Variants in BAG6 observed in about 807,000 individuals in gnomAD.
BAG6 encodes the protein BAG cochaperone 6, also known as large proline-rich protein BAG6.
Under a neutral mutation model 121.0 loss-of-function variants are expected in BAG6, and 22 were observed. The ratio of observed to expected loss-of-function variants is 0.18; its 90% CI spans 0.13 to 0.26. The LOEUF (loss-of-function observed/expected upper bound fraction) is 0.26, where lower values mean the gene tolerates loss of function less well. Among genes scored for constraint, BAG6 ranks in the 10% least tolerant of loss-of-function variants. The probability of loss-of-function intolerance (pLI) is 1.00; values close to 1 mark genes in which losing one functional copy is unlikely to be tolerated. For missense variants in BAG6, 1,233 were observed against 1,537.7 expected (o/e 0.80, Z 3.31); for synonymous variants, 583 against 584.6 (o/e 1.00, Z 0.04).
chr6:31,642,061 T>C (rs758779293), intron 16 of BAG6, 51 bp downstream of exon 16: 5 of 1,597,782 alleles, frequency 3.1e-6, no homozygotes, highest in Non-Finnish European at 3.4e-6. Flanking sequence ...GCCATCTACA[T>C]TCCTCTGGCT....
chr6:31,639,677 G>A (rs1468966695), intron 24 of BAG6, 31 bp from the exon 25 acceptor site: 5 of 1,586,468 alleles, frequency 3.2e-6, no homozygotes, highest in Non-Finnish European at 4.3e-6. Flanking sequence ...AGGGAAAAGA[G>A]GATCAACGTC....
chr6:31,645,192 C>T lies in BAG6; in HGVS notation c.1123G>A (p.Val375Met). The T allele has an allele frequency of 1.2e-6, 2 of 1,608,850 alleles. No individual in the cohort carries two copies. Among genetic ancestry groups the T allele is most frequent in the Non-Finnish European group, 1.7e-6 (2 of 1,178,068 alleles). Residue 375 changes from valine (V) to methionine (M), a missense_variant, in exon 10 of 26, where the codon GTG becomes ATG. Transcript: ENST00000676615. Reference sequence around the variant, plus strand: ...CCTGTCATGGTCACAGTGGTTCCCACATTGATCTGAAAAAGACAGATGGAC... The same window carrying T: ...CCTGTCATGGTCACAGTGGTTCCCATATTGATCTGAAAAAGACAGATGGAC... The part of the protein sequence containing the change: ...QQAAIPIQIN[V>M]GTTVTMTGNG...
Position 31,644,644 on chromosome 6 carries a change from GC to G in BAG6, c.1370-43del. The G allele has an allele frequency of 1.3e-6, 2 of 1,580,124 alleles. No individual in the cohort carries two copies. The highest frequency in any genetic ancestry group is 1.7e-6 in the Non-Finnish European group (2 of 1,152,626). On this transcript the variant is annotated intron_variant, in intron 10 of 25. Transcript: ENST00000676615. This position sits in a 1 kb window ranked among gnomAD's most constrained non-coding sequence, Gnocchi z 4.9. ...AGACAGTGGCCCTGAGGTAGGTAGGGCCAAGGCCTAACTATATCCTTCTGAG... is the reference window on the plus strand; with the variant it reads ...AGACAGTGGCCCTGAGGTAGGTAGGGCAAGGCCTAACTATATCCTTCTGAG...
chr6:31,652,366 A>AC (rs1798450671), intron 1 of BAG6, 58 bp downstream of exon 1: 1 of 80,228 alleles, frequency 1.2e-5, no homozygotes, highest in Non-Finnish European at 2.8e-5. Context: ...CACACCCACC[A>AC]CCCCGCGGCT....
chr6:31,643,878 A>C lies in BAG6; in HGVS notation c.1756+12T>G. Reference sequence around the variant, plus strand: ...GAGTTTAAACTCTGAGTGGGGAAGAATGAAAACTCACCCACAAGGACTGGC... The same window carrying C: ...GAGTTTAAACTCTGAGTGGGGAAGACTGAAAACTCACCCACAAGGACTGGC... On this transcript the variant is annotated intron_variant, in intron 14 of 25. Coordinates refer to ENST00000676615, the MANE Select transcript of BAG6 (RefSeq NM_001387994.1). 1 of 1,612,304 alleles carries C rather than the reference A, an allele frequency of 6.2e-7. No individual in the cohort carries two copies. The highest frequency in any genetic ancestry group is 8.5e-7 in the Non-Finnish European group (1 of 1,179,798).
chr6:31,644,843 C>T lies in BAG6; in HGVS notation c.1369+103G>A. On this transcript the variant is annotated intron_variant, in intron 10 of 25. Transcript: ENST00000676615. This position sits in a 1 kb window ranked among gnomAD's most constrained non-coding sequence, Gnocchi z 4.9. ...TCTGCTCTGGTCCCCAGGCTACCAC[C>T]ACCAGCATGTGCCTCTCCCTTCCCC... 1 of 1,509,644 alleles carries T rather than the reference C, an allele frequency of 6.6e-7. No homozygotes were observed. The highest frequency in any genetic ancestry group is 2.0e-5 in the Admixed American group (1 of 50,068). 93.5% of individuals were successfully genotyped at this position (1,509,644 alleles called of 1,614,324 possible).
Position 31,645,387 on chromosome 6 carries a change from C to T in BAG6, c.1116+20G>A. On this transcript the variant is annotated intron_variant, in intron 9 of 25. Coordinates refer to ENST00000676615, the MANE Select transcript of BAG6 (RefSeq NM_001387994.1). Reference sequence around the variant, plus strand: ...TCAACACCCCTCACTCTCCCTCAGGCCAGACTCCCCCTAACCCACCTGTAT... The same window carrying T: ...TCAACACCCCTCACTCTCCCTCAGGTCAGACTCCCCCTAACCCACCTGTAT... The T allele has an allele frequency of 1.2e-6, 2 of 1,613,078 alleles. No individual in the cohort carries two copies. The highest frequency in any genetic ancestry group is 2.2e-5 in the South Asian group (2 of 91,090).
chr6:31,641,149 C>T lies in BAG6; in HGVS notation c.2742G>A (p.Leu914=). 1 of 1,613,420 alleles carries T rather than the reference C, an allele frequency of 6.2e-7. No homozygotes were observed. Among genetic ancestry groups the T allele is most frequent in the Non-Finnish European group, 8.5e-7 (1 of 1,180,010 alleles). The part of the protein sequence containing the change: ...FECLALNLHC[L]GGQQMELAAV... The stretch of plus-strand genomic sequence containing the variant: ...CAGCAAGCTCCATCTGCTGTCCCCC[C>T]AAGCAGTGCAGGTTTAGGGCCAGGC... The change falls in exon 20 of 26, where the codon TTG becomes TTA. Residue 914 remains leucine, a synonymous_variant. Coordinates refer to ENST00000676615, the MANE Select transcript of BAG6 (RefSeq NM_001387994.1). This position sits in a 1 kb window ranked among gnomAD's most constrained non-coding sequence, Gnocchi z 5.7.
intron 2 of BAG6, among the ~76,000 whole-genome samples, chr6:31,649,912 G>A (rs1794435004): frequency 6.6e-6 from 1 of 152,012 alleles, no homozygotes. Context: ...GACCAGCCTG[G>A]CCAACATGGT....
At chr6:31,651,593 A>G in intron 2 of BAG6, 63 bp downstream of exon 2, 2 of 1,410,130 alleles carry the variant, frequency 1.4e-6, no homozygotes, top group Non-Finnish European at 2.0e-6. Context: ...CTCATCTCTC[A>G]GGCTAAGGGG....
rs1439622376 is a variant in BAG6, at chr6:31,648,970, G to A, written c.424-6C>T. The A allele has an allele frequency of 1.3e-6, 2 of 1,525,716 alleles. No individual in the cohort carries two copies. The highest frequency in any genetic ancestry group is 1.4e-5 in the African/African-American group (1 of 72,036). 94.5% of individuals were successfully genotyped at this position (1,525,716 alleles called of 1,614,324 possible). ...TCCACAGCAGAGCCGTCACTCTGGG[G>A]AAAGGGTAAGGGAAGTTGTTCTGGG... On this transcript the variant is annotated splice_polypyrimidine_tract_variant and splice_region_variant and intron_variant, in intron 4 of 25. Transcript: ENST00000676615.
chr6:31,645,825 A>G (rs1415634282), intron 8 of BAG6, among the ~76,000 whole-genome samples: 2 of 152,258 alleles, frequency 1.3e-5, no homozygotes, highest in East Asian at 3.8e-4. Flanking sequence ...AAGTCATCAT[A>G]TACTGATCTC....
In BAG6 at chr6:31,645,460, T is replaced by A. The variant is rs138038562; in HGVS notation, c.1063A>T (p.Met355Leu). 1 of 1,613,044 alleles carries A rather than the reference T, an allele frequency of 6.2e-7. No individual in the cohort carries two copies. The highest frequency in any genetic ancestry group is 1.1e-5 in the South Asian group (1 of 91,086). The change falls in exon 9 of 26, where the codon ATG (methionine) becomes TTG (leucine). Residue 355 changes from methionine (M) to leucine (L), a missense_variant. By Grantham distance (15) the Met-to-Leu change is conservative. This residue lies in a region of BAG6 where 777 missense variants were observed against 861.4 expected (regional missense o/e 0.90). Coordinates refer to ENST00000676615, the MANE Select transcript of BAG6 (RefSeq NM_001387994.1). ...PPRHLHVVRP[M>L]SHYTTPMVLQ... ...ACCATGGGGGTGGTGTAGTGAGACA[T>A]AGGCCGGACCACATGCAGGTGTCGT...
chr6:31,643,798 G>C, intron 14 of BAG6, 92 bp downstream of exon 14: 1 of 1,281,704 alleles, frequency 7.8e-7, no homozygotes, highest in Non-Finnish European at 1.1e-6. Context: ...CAGGAAAGCA[G>C]GAACCAAGAA....
chr6:31,648,978 A>T lies in BAG6; in HGVS notation c.424-14T>A. On this transcript the variant is annotated splice_polypyrimidine_tract_variant and intron_variant, in intron 4 of 25. Transcript: ENST00000676615. ...AGAGCCGTCACTCTGGGGAAAGGGT[A>T]AGGGAAGTTGTTCTGGGAGAAGCCA... 1 of 1,525,226 alleles carries T rather than the reference A, an allele frequency of 6.6e-7. No homozygotes were observed. Among genetic ancestry groups the T allele is most frequent in the South Asian group, 1.3e-5 (1 of 75,474 alleles). The allele number at this position is 1,525,226 out of a possible 1,614,324, so 94.5% of individuals were successfully genotyped here. A position where few individuals can be genotyped will look rare whatever the true frequency, so the allele number is the denominator to read the frequency against.
At chr6:31,642,541 C>G in intron 15 of BAG6, 138 bp from the exon 16 acceptor site, 1 of 635,600 alleles carries the variant, frequency 1.6e-6, no homozygotes, top group South Asian at 1.9e-5. Flanking sequence ...CTGCTTAAAG[C>G]AGAAGTATGG....
In BAG6 at chr6:31,647,837, G is replaced by A. The variant is rs1383091979; in HGVS notation, c.553-11C>T. 3 of 1,525,048 alleles carry A rather than the reference G, an allele frequency of 2.0e-6. No individual in the cohort carries two copies. The highest frequency in any genetic ancestry group is 1.4e-5 in the African/African-American group (1 of 71,578). The allele number at this position is 1,525,048 out of a possible 1,614,324, so 94.5% of individuals were successfully genotyped here. On this transcript the variant is annotated splice_polypyrimidine_tract_variant and intron_variant, in intron 6 of 25. Coordinates refer to ENST00000676615, the MANE Select transcript of BAG6 (RefSeq NM_001387994.1). ...GGGCCCTCCTCGACACTGAAGGTAG[G>A]GGAGAGTCAGGATACCAAAGGCAGG...
chr6:31,643,206 G>C (rs752578172), intron 14 of BAG6, 91 bp from the exon 15 acceptor site: 6 of 1,348,076 alleles, frequency 4.5e-6, no homozygotes, highest in Non-Finnish European at 6.0e-6. Context: ...CATGAGAACT[G>C]CTTGAGCCCA....
chr6:31,642,055 T>A, intron 16 of BAG6, 57 bp downstream of exon 16: 1 of 1,595,890 alleles, frequency 6.3e-7, no homozygotes, highest in Non-Finnish European at 8.6e-7. Flanking sequence ...ACCAAGGCCA[T>A]CTACATTCCT....
Sources: allele counts gnomAD v4.1 joint callset (sites outside exome capture counted in the v4.1 genomes callset), GRCh38; gene constraint gnomAD v4.1.1; regional missense constraint gnomAD v4.1.1; non-coding constraint Gnocchi (gnomAD v3.1); transcripts MANE v1.5; gene names NCBI Gene and HGNC (gene_info 2026-07-23, HGNC 2026-07-21).